Variants in MEGF11 observed in about 807,000 individuals in gnomAD.
MEGF11 encodes the protein multiple epidermal growth factor-like domains protein 11.
Under a neutral mutation model 146.6 loss-of-function variants are expected in MEGF11, and 126 were observed. That is an observed-to-expected ratio of 0.86 (90% CI 0.74 to 1.00). The LOEUF (loss-of-function observed/expected upper bound fraction) is 1.00, where lower values mean the gene tolerates loss of function less well. MEGF11 is among the 50% of genes least tolerant of loss of function. The pLI, the probability that MEGF11 is intolerant of heterozygous loss-of-function variation, is 0.00. For missense variants in MEGF11, 1,509 were observed against 1,521.2 expected, an observed-to-expected ratio of 0.99 and a Z score of 0.13; for synonymous variants, 532 against 583.4, an observed-to-expected ratio of 0.91 and a Z score of 1.27.
intron 5 of MEGF11, among the ~76,000 whole-genome samples, chr15:65,989,284 T>C (rs28516699): frequency 0.039 from 5,929 of 152,164 alleles, 404 homozygotes; most frequent in African/African-American, 0.13. Context: ...GCCTCTGAAT[T>C]GAAGGTCAAG....
At chr15:65,909,003 G>GA (rs1265641202) in intron 23 of MEGF11, 31 bp downstream of exon 23, 1 of 1,410,858 alleles carries the variant, frequency 7.1e-7, no homozygotes, top group African/African-American at 1.4e-5. Context: ...GGTCTGGCAT[G>GA]AGGGGGTGGA....
At chr15:66,112,197 G>A (rs550038882) in intron 4 of MEGF11, among the ~76,000 whole-genome samples, 68 of 151,904 alleles carry the variant, frequency 4.5e-4, no homozygotes, top group African/African-American at 1.4e-3. Flanking sequence ...CTAATCGCTC[G>A]AGATAAAACT....
intron 1 of MEGF11, among the ~76,000 whole-genome samples, chr15:66,183,401 G>A (rs1269500895): frequency 2.0e-5 from 3 of 152,100 alleles, no homozygotes; most frequent in Non-Finnish European, 4.4e-5. Flanking sequence ...TCGGGAGGCT[G>A]AGGCAAAAGA....
chr15:66,063,249 C>T (rs954634727), intron 5 of MEGF11, among the ~76,000 whole-genome samples: 4 of 152,088 alleles, frequency 2.6e-5, no homozygotes, highest in African/African-American at 9.7e-5. Context: ...CTAAGTGGCC[C>T]CTGGAGGCTT....
At chr15:66,169,824 C>A (rs1174987386) in intron 1 of MEGF11, among the ~76,000 whole-genome samples, 3 of 152,334 alleles carry the variant, frequency 2.0e-5, no homozygotes, top group East Asian at 3.9e-4. Flanking sequence ...AGCAGGAGCA[C>A]CGCGGCAGCC....
chr15:66,089,842 T>G (rs1416260812), intron 5 of MEGF11, among the ~76,000 whole-genome samples: 3 of 152,236 alleles, frequency 2.0e-5, no homozygotes, highest in Non-Finnish European at 2.9e-5. Context: ...TTTCTTCCTT[T>G]TTATCTCCAC....
intron 1 of MEGF11, among the ~76,000 whole-genome samples, chr15:66,245,980 G>T (rs1321184757): frequency 6.6e-6 from 1 of 152,166 alleles, no homozygotes; most frequent in East Asian, 1.9e-4. Flanking sequence ...ACAAAAGGCA[G>T]CCAGGCATGG....
chr15:66,060,980 G>A (rs537890259), intron 5 of MEGF11, among the ~76,000 whole-genome samples: 2 of 152,220 alleles, frequency 1.3e-5, no homozygotes, highest in African/African-American at 4.8e-5. Context: ...TCCTGAGGAC[G>A]CCTAGGGCTG....
chr15:66,058,478 ATC>A (rs2084770421), intron 5 of MEGF11, among the ~76,000 whole-genome samples: 1 of 152,144 alleles, frequency 6.6e-6, no homozygotes, highest in African/African-American at 2.4e-5. Flanking sequence ...TGTTAATAAC[ATC>A]TCTCCAAGGG....
At chr15:66,202,542 G>T (rs190031811) in intron 1 of MEGF11, among the ~76,000 whole-genome samples, 2 of 152,288 alleles carry the variant, frequency 1.3e-5, no homozygotes, top group African/African-American at 4.8e-5. Context: ...ACCCCTAGGG[G>T]TGGCCCTGGC....
intron 1 of MEGF11, among the ~76,000 whole-genome samples, chr15:66,223,768 G>A (rs4578594): frequency 0.56 from 85,684 of 151,996 alleles, 24,984 homozygotes; most frequent in Non-Finnish European, 0.66. Flanking sequence ...TAAAATGGTG[G>A]ATTTATGGTA....
rs1024906305 is a variant in MEGF11 at position 65,922,971 on chromosome 15, T to G, written c.1676-2A>C. The G allele has an allele frequency of 6.2e-7, 1 of 1,611,580 alleles. No homozygotes were observed. Among genetic ancestry groups the G allele is most frequent in the African/African-American group, 1.3e-5 (1 of 74,766 alleles). On this transcript the variant is annotated splice_acceptor_variant, in intron 13 of 25. Coordinates refer to ENST00000395614, the MANE Select transcript of MEGF11 (RefSeq NM_001385028.1). LOFTEE classifies it high-confidence loss of function. ...GACACGTGCTGTCACAGCGGATGCC[T>G]GTGGGCCAGAGGCAGACTCGGGTCA...
Position 66,060,173 on chromosome 15 carries a change from G to A in MEGF11, c.394+34229C>T, listed in dbSNP as rs544394381. ...ACTGTGAAAGGGGAGTGGGGTTGAC[G>A]GCTAAGGAGTCAGAGGGATGGGGAT... On this transcript the variant is annotated intron_variant, in intron 5 of 25. Coordinates refer to ENST00000395614, the MANE Select transcript of MEGF11 (RefSeq NM_001385028.1). Among the ~76,000 whole-genome samples, 9 of 152,144 alleles carry A rather than the reference G, an allele frequency of 5.9e-5. No individual in the cohort carries two copies. In the South Asian group the frequency reaches 6.2e-4, roughly 11 times the overall value.
Position 65,895,365 on chromosome 15 carries a change from A to G in MEGF11, c.*2569T>C, listed in dbSNP as rs1202995834. 1 of 152,676 alleles carries G rather than the reference A, an allele frequency of 6.5e-6. No individual in the cohort carries two copies. Among genetic ancestry groups the G allele is most frequent in the Non-Finnish European group, 1.5e-5 (1 of 68,036 alleles). The allele number at this position is 152,676 out of a possible 1,614,324, so 9.5% of individuals were successfully genotyped here. A position where few individuals can be genotyped will look rare whatever the true frequency, so the allele number is the denominator to read the frequency against. On this transcript the variant is annotated 3_prime_UTR_variant, in exon 26 of 26. Transcript: ENST00000395614. The stretch of plus-strand genomic sequence containing the variant: ...CCTCTGCACAGTGAACATATATTAC[A>G]AATCTGTGATTTAAAAAAGTATTGC...
At chr15:66,067,641 C>T (rs2085190428) in intron 5 of MEGF11, among the ~76,000 whole-genome samples, 1 of 152,230 alleles carries the variant, frequency 6.6e-6, no homozygotes, top group Non-Finnish European at 1.5e-5. Flanking sequence ...CACTGAGGCT[C>T]CCACTGTAGG....
chr15:65,948,905 G>A (rs183686390), intron 10 of MEGF11, among the ~76,000 whole-genome samples: 22 of 152,234 alleles, frequency 1.4e-4, no homozygotes, highest in Non-Finnish European at 5.9e-5. Context: ...GTTCGCACAG[G>A]CATGGCAGCT....
chr15:66,171,993 C>T (rs2090271304), intron 1 of MEGF11, among the ~76,000 whole-genome samples: 1 of 152,240 alleles, frequency 6.6e-6, no homozygotes, highest in Non-Finnish European at 1.5e-5. Flanking sequence ...CACACCGCTT[C>T]ACCCCACACT....
chr15:66,136,313 C>A (rs369782709), intron 1 of MEGF11, among the ~76,000 whole-genome samples: 1 of 152,326 alleles, frequency 6.6e-6, no homozygotes, highest in African/African-American at 2.4e-5. Context: ...ATCTTCGGCA[C>A]CCTTTGAAGA....
chr15:66,180,654 G>A (rs118074994), intron 1 of MEGF11, among the ~76,000 whole-genome samples: 4 of 152,304 alleles, frequency 2.6e-5, no homozygotes, highest in East Asian at 1.9e-4. Context: ...ATGTGAGAGC[G>A]GTAATCCATT....
Sources: gnomAD v4.1 joint callset for allele counts (sites outside exome capture counted in the v4.1 genomes callset) on GRCh38, gnomAD v4.1.1 for gene constraint, MANE v1.5 for transcripts, NCBI Gene and HGNC (gene_info 2026-07-23, HGNC 2026-07-21) for gene names.